The following EHMT1 variants were observed in gnomAD, a reference collection of about 807,000 sequenced individuals.
EHMT1 encodes the protein histone-lysine N-methyltransferase EHMT1.
Under a neutral mutation model 147.2 loss-of-function variants are expected in EHMT1, and 15 were observed. The observed-to-expected ratio is 0.10, with a 90% confidence interval of 0.07 to 0.16. The LOEUF (loss-of-function observed/expected upper bound fraction) is 0.16, where lower values mean the gene tolerates loss of function less well. Ranked by LOEUF, EHMT1 falls within the 10% of genes least tolerant of loss-of-function variation. The pLI, the probability that EHMT1 is intolerant of heterozygous loss-of-function variation, is 1.00. For missense variants in EHMT1, 1,587 were observed against 1,772.4 expected (o/e 0.90, Z 1.88); for synonymous variants, 795 against 709.6 (o/e 1.12, Z -1.91).
intron 1 of EHMT1, among the ~76,000 whole-genome samples, chr9:137,654,576 G>C (rs1199340486): frequency 6.6e-6 from 1 of 152,064 alleles, no homozygotes; most frequent in East Asian, 1.9e-4. Context: ...TCTTTTTCCA[G>C]ATTGTTTTGG....
chr9:137,784,024 C>A, intron 15 of EHMT1: 1 of 648,114 alleles, frequency 1.5e-6, no homozygotes, highest in South Asian at 2.0e-5. Context: ...TAATTTCTAG[C>A]TGTCTTAGTC....
At chr9:137,670,241 AT>A (rs1187793993) in intron 1 of EHMT1, among the ~76,000 whole-genome samples, 2 of 151,868 alleles carry the variant, frequency 1.3e-5, no homozygotes, top group Admixed American at 1.3e-4. Flanking sequence ...TCCTCCAAAG[AT>A]TTGTGTTTTT....
rs183233814 is a variant in EHMT1 at position 137,728,203 on chromosome 9, G to T, written c.643-146G>T. On this transcript the variant is annotated intron_variant, in intron 3 of 26. Coordinates refer to ENST00000460843, the MANE Select transcript of EHMT1 (RefSeq NM_024757.5). Reference sequence around the variant, plus strand: ...ACGTGAGGACAGCTGTGCTGTTTCCGCTTGCAGACTTTCTCCTCTCTCCAT... The same window carrying T: ...ACGTGAGGACAGCTGTGCTGTTTCCTCTTGCAGACTTTCTCCTCTCTCCAT... 248 of 1,187,444 alleles carry T rather than the reference G, an allele frequency of 2.1e-4. 2 individuals are homozygous for T. In the Admixed American group the frequency reaches 4.3e-3, roughly 20 times the overall value. 73.6% of individuals were successfully genotyped at this position (1,187,444 alleles called of 1,614,324 possible).
At chr9:137,719,381 G>GCACAC (rs1945702218) in intron 3 of EHMT1, among the ~76,000 whole-genome samples, 1 of 151,890 alleles carries the variant, frequency 6.6e-6, no homozygotes, top group Non-Finnish European at 1.5e-5. Context: ...GGGGTGGTGG[G>GCACAC]TGCGTTGTGG....
intron 4 of EHMT1, among the ~76,000 whole-genome samples, chr9:137,740,913 C>T (rs1032700345): frequency 6.6e-6 from 1 of 151,912 alleles, no homozygotes; most frequent in African/African-American, 2.4e-5. Flanking sequence ...AGTGATTCAC[C>T]TGCCTCAGAC....
chr9:137,772,951 C>T (rs562972423), intron 10 of EHMT1, among the ~76,000 whole-genome samples: 3 of 152,306 alleles, frequency 2.0e-5, no homozygotes, highest in East Asian at 1.9e-4. Context: ...ATTCTCCTGC[C>T]GTTCTGCCTG....
At chr9:137,766,117 A>G (rs558883221) in intron 10 of EHMT1, among the ~76,000 whole-genome samples, 1 of 152,166 alleles carries the variant, frequency 6.6e-6, no homozygotes, top group South Asian at 2.1e-4. Context: ...CAGCCTTACA[A>G]GTTTGGCCCC....
At chr9:137,717,605 CAAAAAAAAA>C (rs1163785484) in intron 3 of EHMT1, among the ~76,000 whole-genome samples, 1 of 69,630 alleles carries the variant, frequency 1.4e-5, no homozygotes, top group Non-Finnish European at 2.6e-5. Flanking sequence ...GACCCTGTCT[CAAAAAAAAA>C]AAAAAAAAAA....
chr9:137,818,114 T>C lies in EHMT1; in HGVS notation c.3516T>C (p.Ser1172=), dbSNP rs957412530. 6.2e-7 allele frequency: 1 copy of C among 1,614,212 alleles called. No homozygotes were observed. The highest frequency in any genetic ancestry group is 1.3e-5 in the African/African-American group (1 of 75,056). Residue 1172 remains serine, a synonymous_variant, in exon 25 of 27, where the codon TCT becomes TCC. Coordinates refer to ENST00000460843, the MANE Select transcript of EHMT1 (RefSeq NM_024757.5). Reference sequence around the variant, plus strand: ...AAGCCGACGTTCGAGAGGAAGATTCTTACCTCTTTGATCTCGACAATAAGG... The same window carrying C: ...AAGCCGACGTTCGAGAGGAAGATTCCTACCTCTTTGATCTCGACAATAAGG... ...DSEADVREED[S]YLFDLDNKDG... is the part of the protein sequence containing the mutation.
At chr9:137,815,081 C>T (rs190794773) in intron 22 of EHMT1, among the ~76,000 whole-genome samples, 1 of 151,746 alleles carries the variant, frequency 6.6e-6, no homozygotes, top group East Asian at 2.0e-4. Context: ...TCCTGGTCTC[C>T]CGAGTTCAGA....
chr9:137,820,368 C>T (rs992684591), intron 25 of EHMT1, among the ~76,000 whole-genome samples: 4 of 152,242 alleles, frequency 2.6e-5, no homozygotes, highest in African/African-American at 4.8e-5. Context: ...AACGACTCGC[C>T]TTCTGTGGGC....
intron 6 of EHMT1, among the ~76,000 whole-genome samples, chr9:137,748,652 T>C (rs556872337): frequency 1.8e-4 from 27 of 152,362 alleles, no homozygotes; most frequent in African/African-American, 6.3e-4. Context: ...AACGAGCAGA[T>C]AGTGGCATTA....
Position 137,705,113 on chromosome 9 carries a change from C to G in EHMT1, c.22-5854C>G, listed in dbSNP as rs1944154336. 2.6e-5 allele frequency among the ~76,000 whole-genome samples: 4 copies of G among 152,066 alleles called. No individual in the cohort carries two copies. The South Asian group carries it at 8.3e-4, about 32-fold the overall frequency. On this transcript the variant is annotated intron_variant, in intron 1 of 26. Coordinates refer to ENST00000460843, the MANE Select transcript of EHMT1 (RefSeq NM_024757.5). ...CAAGGGAACCTCCCACCTCAGCCTC[C>G]CAAGTAGCTGGGACTACAGGTGTGT...
At chr9:137,735,164 A>G (rs1324992921) in intron 4 of EHMT1, among the ~76,000 whole-genome samples, 1 of 152,268 alleles carries the variant, frequency 6.6e-6, no homozygotes, top group African/African-American at 2.4e-5. Context: ...TTTTTCCTAC[A>G]TAACAAGAGA....
intron 1 of EHMT1, among the ~76,000 whole-genome samples, chr9:137,669,194 A>ATT (rs1210720917): frequency 1.3e-5 from 2 of 152,072 alleles, no homozygotes; most frequent in African/African-American, 4.8e-5. Context: ...GCCTAGAAGT[A>ATT]GGTTCTTGAT....
At chr9:137,635,768 T>A (rs149804771) in intron 1 of EHMT1, among the ~76,000 whole-genome samples, 1 of 150,904 alleles carries the variant, frequency 6.6e-6, no homozygotes, top group Admixed American at 6.6e-5. Context: ...TGCAGTGAGC[T>A]GAGATGGTGC....
At chr9:137,748,725 T>TA in intron 6 of EHMT1, among the ~76,000 whole-genome samples, 1 of 152,260 alleles carries the variant, frequency 6.6e-6, no homozygotes, top group East Asian at 1.9e-4. Flanking sequence ...TTCACATACT[T>TA]ACTTTGCCAT....
At chr9:137,644,246 G>C (rs1285879433) in intron 1 of EHMT1, among the ~76,000 whole-genome samples, 3 of 152,180 alleles carry the variant, frequency 2.0e-5, no homozygotes, top group Admixed American at 6.6e-5. Flanking sequence ...GTAAACAAGT[G>C]GGGGTGGTTG....
At chr9:137,801,175 A>G (rs1397413386) in intron 18 of EHMT1, among the ~76,000 whole-genome samples, 191 bp downstream of exon 18, 1 of 152,180 alleles carries the variant, frequency 6.6e-6, no homozygotes, top group Non-Finnish European at 1.5e-5. Flanking sequence ...GTGAGGTCCC[A>G]GCAGAGGCCA....
Sources: allele counts gnomAD v4.1 joint callset (sites outside exome capture counted in the v4.1 genomes callset), GRCh38; gene constraint gnomAD v4.1.1; transcripts MANE v1.5; gene names NCBI Gene and HGNC (gene_info 2026-07-23, HGNC 2026-07-21).